NAA16: variants seen among roughly 807,000 people sequenced by gnomAD.
The protein encoded by NAA16 is N-alpha-acetyltransferase 16, NatA auxiliary subunit.
A neutral mutation model predicts 110.3 loss-of-function variants in NAA16; 97 were observed. That is an observed-to-expected ratio of 0.88 (90% CI 0.75 to 1.04). The LOEUF (loss-of-function observed/expected upper bound fraction) is 1.04, where lower values mean the gene tolerates loss of function less well. Ranked by LOEUF, NAA16 falls within the 50% of genes least tolerant of loss-of-function variation. The pLI is 0.00. For synonymous variants in NAA16, 372 were observed against 330.6 expected, an observed-to-expected ratio of 1.13 and a Z score of -1.36; for missense variants, 1,017 against 1,005.1, an observed-to-expected ratio of 1.01 and a Z score of -0.16.
intron 17 of NAA16, 125 bp downstream of exon 17, chr13:41,372,955 T>C: frequency 8.6e-7 from 1 of 1,161,560 alleles, no homozygotes; most frequent in Non-Finnish European, 1.1e-6. Flanking sequence ...AGCCCTGATT[T>C]GTATTTTCAT....
intron 9 of NAA16, among the ~76,000 whole-genome samples, chr13:41,345,357 T>C (rs1424121476): frequency 6.6e-6 from 1 of 152,232 alleles, no homozygotes; most frequent in Non-Finnish European, 1.5e-5. Context: ...CACTTGTTAT[T>C]ATTGATGATA....
chr13:41,365,302 A>G (rs757061639), intron 13 of NAA16, among the ~76,000 whole-genome samples: 1 of 152,190 alleles, frequency 6.6e-6, no homozygotes, highest in African/African-American at 2.4e-5. Context: ...AATCACATAG[A>G]ACTATATACA....
intron 15 of NAA16, among the ~76,000 whole-genome samples, chr13:41,369,553 A>G (rs2043275748): frequency 6.6e-6 from 1 of 152,234 alleles, no homozygotes; most frequent in Non-Finnish European, 1.5e-5. Flanking sequence ...GTAACCTTAC[A>G]TGGCAAGGGA....
intron 15 of NAA16, among the ~76,000 whole-genome samples, chr13:41,369,658 G>A (rs1318310305): frequency 6.6e-6 from 1 of 152,134 alleles, no homozygotes; most frequent in East Asian, 1.9e-4. Context: ...TCGTCAAAAG[G>A]GGCCTTAAAA....
At position 41,349,888 on chromosome 13, in the gene NAA16, G is replaced by A. The variant is rs181140017; in HGVS notation, c.1015-5256G>A. Among the ~76,000 whole-genome samples, 1,036 of 152,102 alleles carry A rather than the reference G, an allele frequency of 6.8e-3. 10 individuals are homozygous for A. Among genetic ancestry groups the A allele is most frequent in the Middle Eastern group, 0.031 (9 of 294 alleles). ...AGGCAGGAGAATCGCTTGAACCCGG[G>A]AGGGGGCAGTTGCAGTGAGCTGAGA... is the stretch of plus-strand genomic sequence containing the variant. On this transcript the variant is annotated intron_variant, in intron 9 of 19. Transcript: ENST00000379406.
At chr13:41,346,816 A>G (rs183777712) in intron 9 of NAA16, among the ~76,000 whole-genome samples, 1 of 152,300 alleles carries the variant, frequency 6.6e-6, no homozygotes, top group African/African-American at 2.4e-5. Flanking sequence ...TCAAATAGCT[A>G]GAAAGGTTCT....
intron 17 of NAA16, chr13:41,373,264 T>C: frequency 1.3e-6 from 1 of 792,306 alleles, no homozygotes; most frequent in Non-Finnish European, 1.5e-6. Flanking sequence ...GTTGTGTTTT[T>C]TGTTTTTTTT....
chr13:41,366,472 A>C (rs1224872197), intron 13 of NAA16, among the ~76,000 whole-genome samples: 1 of 152,186 alleles, frequency 6.6e-6, no homozygotes, highest in Non-Finnish European at 1.5e-5. Context: ...CGTATGAAAA[A>C]AGAAGTTGGA....
rs368950377 is a variant in NAA16, at chr13:41,312,685, T to A, written c.54+1103T>A. 2.0e-5 allele frequency among the ~76,000 whole-genome samples: 3 copies of A among 152,328 alleles called. No individual in the cohort carries two copies. The East Asian group carries it at 5.8e-4, about 29-fold the overall frequency. On this transcript the variant is annotated intron_variant, in intron 1 of 19. Coordinates refer to ENST00000379406, the MANE Select transcript of NAA16 (RefSeq NM_024561.5). ...AAATAAAATACTAATTTTAGAGTAA[T>A]TTTAAGTATGAACAGCGGCAGATAA...
chr13:41,320,727 G>A lies in NAA16; in HGVS notation c.305G>A (p.Cys102Tyr). 2 of 1,613,222 alleles carry A rather than the reference G, an allele frequency of 1.2e-6. No individual in the cohort carries two copies. The highest frequency in any genetic ancestry group is 1.7e-6 in the Non-Finnish European group (2 of 1,179,912). ...SDKKYDEAIK[C>Y]YRNALKLDKD... The stretch of plus-strand genomic sequence containing the variant: ...AAAAAATATGATGAAGCTATAAAAT[G>A]TTACCGAAATGCCCTCAAATTAGAT... Residue 102 changes from cysteine to tyrosine, a missense_variant, in exon 4 of 20, where the codon TGT becomes TAT. Coordinates refer to ENST00000379406, the MANE Select transcript of NAA16 (RefSeq NM_024561.5).
At position 41,337,666 on chromosome 13, in the gene NAA16, C is replaced by G. The variant is rs749052171; in HGVS notation, c.1014+910C>G. Among the ~76,000 whole-genome samples, 109 of 147,956 alleles carry G rather than the reference C, an allele frequency of 7.4e-4. 1 individual carries two copies. The Middle Eastern group carries it at 0.01, about 14-fold the overall frequency. On this transcript the variant is annotated intron_variant, in intron 9 of 19. Transcript: ENST00000379406. ...TCCAAGTGTTGCTTCTTATTAAAGT[C>G]TAAAATCTTGTTGTCTTTTCTATAG...
chr13:41,367,691 T>A, intron 14 of NAA16, 39 bp downstream of exon 14: 1 of 1,365,872 alleles, frequency 7.3e-7, no homozygotes, highest in Non-Finnish European at 1.0e-6. Context: ...AAAAGGACAC[T>A]AAATTTCAGA....
intron 10 of NAA16, among the ~76,000 whole-genome samples, chr13:41,356,946 A>G (rs1218472837): frequency 3.1e-4 from 47 of 152,196 alleles, no homozygotes; most frequent in Admixed American, 3.0e-3. Context: ...AGCTTGAGAC[A>G]TTCTGGTTTT....
At chr13:41,323,673 C>CG (rs1428354106) in intron 5 of NAA16, among the ~76,000 whole-genome samples, 3 of 150,136 alleles carry the variant, frequency 2.0e-5, no homozygotes, top group African/African-American at 7.4e-5. Context: ...TTTTAAGAGA[C>CG]GGGGTCTTGC....
chr13:41,317,952 G>A (rs1207323889), intron 2 of NAA16, among the ~76,000 whole-genome samples: 2 of 152,168 alleles, frequency 1.3e-5, no homozygotes, highest in African/African-American at 2.4e-5. Context: ...TTGTGCTGTT[G>A]AAATGTGAAC....
At position 41,340,674 on chromosome 13, in the gene NAA16, T is replaced by G. The variant is rs1249797645; in HGVS notation, c.1014+3918T>G. Among the ~76,000 whole-genome samples the G allele has an allele frequency of 7.8e-4, 77 of 98,986 alleles. 7 individuals are homozygous for G. The highest frequency in any genetic ancestry group is 4.8e-3 in the African/African-American group (72 of 14,890). The allele number at this position is 98,986 out of a possible 152,430, so 64.9% of individuals were successfully genotyped here. ...TTTTTTTTTTTTTTTTTTTTTTTTT[T>G]TTTTTTTTTTTTTTTTTCCGAGACG... On this transcript the variant is annotated intron_variant, in intron 9 of 19. Coordinates refer to ENST00000379406, the MANE Select transcript of NAA16 (RefSeq NM_024561.5).
intron 9 of NAA16, among the ~76,000 whole-genome samples, chr13:41,343,599 C>G (rs1194352315): frequency 6.6e-6 from 1 of 152,092 alleles, no homozygotes; most frequent in Non-Finnish European, 1.5e-5. Context: ...GGCACCATCT[C>G]GGCTCACTGC....
chr13:41,348,277 C>T lies in NAA16; in HGVS notation c.1015-6867C>T, dbSNP rs559897476. Among the ~76,000 whole-genome samples the T allele has an allele frequency of 5.3e-5, 8 of 152,250 alleles. No individual in the cohort carries two copies. In the East Asian group the frequency reaches 1.2e-3, roughly 22 times the overall value. On this transcript the variant is annotated intron_variant, in intron 9 of 19. Transcript: ENST00000379406. ...CCACCTCGCGGGTTCAAGCTATTCT[C>T]CTGCCTCGGTCTCCCAAGTAGCTGG...
intron 9 of NAA16, among the ~76,000 whole-genome samples, chr13:41,344,974 C>T (rs2042642598): frequency 6.6e-6 from 1 of 152,158 alleles, no homozygotes; most frequent in African/African-American, 2.4e-5. Flanking sequence ...TATAAATGGA[C>T]TTATCTAATA....
Sources: gnomAD v4.1 joint callset for allele counts (sites outside exome capture counted in the v4.1 genomes callset) on GRCh38, gnomAD v4.1.1 for gene constraint, MANE v1.5 for transcripts, NCBI Gene and HGNC (gene_info 2026-07-23, HGNC 2026-07-21) for gene names.